GPC5: variants seen among roughly 807,000 people sequenced by gnomAD.
GPC5 encodes glypican 5, also known as glypican-5.
In GPC5, 47 loss-of-function variants were observed where a neutral mutation model predicts 53.9. That is an observed-to-expected ratio of 0.87 (90% CI 0.69 to 1.11). The LOEUF is 1.11. GPC5 is among the 50% of genes most tolerant of loss of function. The pLI is 0.00. For synonymous variants in GPC5, 286 were observed against 263.3 expected, an observed-to-expected ratio of 1.09 and a Z score of -0.84; for missense variants, 748 against 713.1, an observed-to-expected ratio of 1.05 and a Z score of -0.56.
chr13:91,791,163 C>T (rs1299675847), intron 5 of GPC5, among the ~76,000 whole-genome samples: 1 of 152,176 alleles, frequency 6.6e-6, no homozygotes, highest in African/African-American at 2.4e-5. Flanking sequence ...ATTCCTAATA[C>T]TTTCATTTCT....
At chr13:92,309,604 T>G (rs2043132896) in intron 7 of GPC5, among the ~76,000 whole-genome samples, 3 of 152,104 alleles carry the variant, frequency 2.0e-5, no homozygotes, top group Non-Finnish European at 4.4e-5. Context: ...TTCTACTTTA[T>G]TGAAGTATAA....
At chr13:92,198,023 C>A (rs2042269661) in intron 7 of GPC5, among the ~76,000 whole-genome samples, 1 of 152,136 alleles carries the variant, frequency 6.6e-6, no homozygotes, top group African/African-American at 2.4e-5. Flanking sequence ...TCCTGGAATT[C>A]ATGTGCCTGA....
chr13:92,458,970 A>C (rs1878379661), intron 7 of GPC5, among the ~76,000 whole-genome samples: 1 of 152,146 alleles, frequency 6.6e-6, no homozygotes, highest in Non-Finnish European at 1.5e-5. Context: ...TGTTTTTATT[A>C]ATATATGCAC....
intron 7 of GPC5, among the ~76,000 whole-genome samples, chr13:92,355,565 C>T (rs1021978611): frequency 8.5e-5 from 13 of 152,116 alleles, no homozygotes; most frequent in African/African-American, 3.1e-4. Context: ...TGTTTTTCCC[C>T]TTTATTTATT....
At chr13:91,696,516 C>T (rs758144043) in intron 3 of GPC5, among the ~76,000 whole-genome samples, 3 of 152,096 alleles carry the variant, frequency 2.0e-5, no homozygotes, top group African/African-American at 4.8e-5. Context: ...ATAACCAGTT[C>T]GCACATCGAT....
intron 7 of GPC5, among the ~76,000 whole-genome samples, chr13:92,348,171 A>G (rs1042872188): frequency 1.3e-5 from 2 of 150,858 alleles, no homozygotes; most frequent in African/African-American, 4.9e-5. Flanking sequence ...TCTCCAAAAA[A>G]GAAAGTAACT....
At chr13:92,510,001 G>C (rs1284209584) in intron 7 of GPC5, 1 of 152,038 alleles carries the variant, frequency 6.6e-6, no homozygotes, top group African/African-American at 2.4e-5. Context: ...TTGTATAAGA[G>C]ATTTTGAGGC....
Position 92,674,548 on chromosome 13 carries a change from GGAGCTTCATGAAGCTCTTCTTGAAGC to G in GPC5, c.1562-191733_1562-191708del, listed in dbSNP as rs1273378273. Among the ~76,000 whole-genome samples the G allele has an allele frequency of 8.0e-3, 153 of 19,008 alleles. 1 individual carries two copies. The highest frequency in any genetic ancestry group is 0.018 in the African/African-American group (141 of 7,988). 12.5% of individuals were successfully genotyped at this position (19,008 alleles called of 152,430 possible). A position where few individuals can be genotyped will look rare whatever the true frequency, so the allele number is the denominator to read the frequency against. On this transcript the variant is annotated intron_variant, in intron 7 of 7. Transcript: ENST00000377067. ...CCATGAATTCTTGCTTCATGAAGCA[GGAGCTTCATGAAGCTCTTCTTGAAGC>G]AGGAGCTTCATGAAGCTCTTCTTGA...
intron 5 of GPC5, among the ~76,000 whole-genome samples, chr13:91,906,369 A>G (rs1397942978): frequency 6.6e-6 from 1 of 152,008 alleles, no homozygotes; most frequent in East Asian, 1.9e-4. Flanking sequence ...GGATTTCTCC[A>G]TATCCAGAAT....
At chr13:91,452,989 A>G (rs1038056889) in intron 2 of GPC5, among the ~76,000 whole-genome samples, 1 of 151,310 alleles carries the variant, frequency 6.6e-6, no homozygotes, top group African/African-American at 2.4e-5. Context: ...ATTCTGGAAA[A>G]TTTCCAGTTA....
chr13:92,772,097 AT>A (rs1226029316), intron 7 of GPC5, among the ~76,000 whole-genome samples: 1 of 152,038 alleles, frequency 6.6e-6, no homozygotes, highest in Admixed American at 6.6e-5. Flanking sequence ...ATTCATAACC[AT>A]TTTTTAAAAC....
chr13:92,328,289 T>C (rs1295510510), intron 7 of GPC5, among the ~76,000 whole-genome samples: 1 of 152,084 alleles, frequency 6.6e-6, no homozygotes, highest in Non-Finnish European at 1.5e-5. Flanking sequence ...AACAGAAATA[T>C]CTGGAGGACT....
chr13:92,431,105 T>C (rs945558335), intron 7 of GPC5, among the ~76,000 whole-genome samples: 7 of 152,184 alleles, frequency 4.6e-5, no homozygotes, highest in Non-Finnish European at 1.0e-4. Flanking sequence ...TTCTGCATTT[T>C]AGATTATCGT....
chr13:92,743,768 C>T (rs1333292693), intron 7 of GPC5, among the ~76,000 whole-genome samples: 1 of 152,106 alleles, frequency 6.6e-6, no homozygotes, highest in Non-Finnish European at 1.5e-5. Flanking sequence ...CCATCAATAC[C>T]TAATTTATTG....
rs138337525 is a variant in GPC5 at position 91,843,131 on chromosome 13, G to T, written c.1281-64806G>T. Among the ~76,000 whole-genome samples, 596 of 152,178 alleles carry T rather than the reference G, an allele frequency of 3.9e-3. 7 individuals are homozygous for T. The highest frequency in any genetic ancestry group is 0.014 in the African/African-American group (568 of 41,516). ...GAATTGTATTCTAAACTTTTGCTGAGCAACGATTTTGTCTGTGCTACACAC... is the reference window on the plus strand; with the variant it reads ...GAATTGTATTCTAAACTTTTGCTGATCAACGATTTTGTCTGTGCTACACAC... On this transcript the variant is annotated intron_variant, in intron 5 of 7. Coordinates refer to ENST00000377067, the MANE Select transcript of GPC5 (RefSeq NM_004466.6).
At chr13:91,756,664 A>G (rs1341517348) in intron 5 of GPC5, among the ~76,000 whole-genome samples, 1 of 151,808 alleles carries the variant, frequency 6.6e-6, no homozygotes, top group African/African-American at 2.4e-5. Flanking sequence ...TCTATGACTT[A>G]CCAACAATCC....
chr13:91,788,391 G>A (rs1198135146), intron 5 of GPC5, among the ~76,000 whole-genome samples: 1 of 152,098 alleles, frequency 6.6e-6, no homozygotes, highest in Non-Finnish European at 1.5e-5. Flanking sequence ...TTGGGGATTA[G>A]GACTTCAACA....
intron 5 of GPC5, among the ~76,000 whole-genome samples, chr13:91,887,347 AT>A (rs1302370624): frequency 1.3e-5 from 2 of 151,940 alleles, no homozygotes; most frequent in African/African-American, 4.8e-5. Flanking sequence ...CCAGGAAAAC[AT>A]TTTTTCCTCC....
chr13:92,862,670 T>TA (rs1261952743), intron 7 of GPC5, among the ~76,000 whole-genome samples: 3 of 151,580 alleles, frequency 2.0e-5, no homozygotes, highest in Non-Finnish European at 4.4e-5. Context: ...GATAGATAGA[T>TA]TTGACTCGTC....
Sources: gnomAD v4.1 joint callset for allele counts (sites outside exome capture counted in the v4.1 genomes callset) on GRCh38, gnomAD v4.1.1 for gene constraint, MANE v1.5 for transcripts, NCBI Gene and HGNC (gene_info 2026-07-23, HGNC 2026-07-21) for gene names.